The following CALN1 variants were observed in gnomAD, a reference collection of about 807,000 sequenced individuals.
The protein encoded by CALN1 is calneuron 1.
In CALN1, 17 loss-of-function variants were observed where a neutral mutation model predicts 30.6. The observed-to-expected ratio is 0.56, with a 90% confidence interval of 0.38 to 0.83. The LOEUF (loss-of-function observed/expected upper bound fraction) is 0.83, where lower values mean the gene tolerates loss of function less well. CALN1 is among the 40% of genes least tolerant of loss of function. CALN1 has a pLI of 0.00. For synonymous variants in CALN1, 156 were observed against 131.4 expected (o/e 1.19, Z -1.28); for missense variants, 291 against 354.9 (o/e 0.82, Z 1.45).
At chr7:71,862,540 A>G (rs1208407758) in intron 5 of CALN1, among the ~76,000 whole-genome samples, 4 of 152,182 alleles carry the variant, frequency 2.6e-5, no homozygotes, top group African/African-American at 9.7e-5. Flanking sequence ...CTCCCCAGCC[A>G]TGTGGAACTG....
At chr7:72,216,455 A>G (rs1235211934) in intron 3 of CALN1, among the ~76,000 whole-genome samples, 1 of 152,036 alleles carries the variant, frequency 6.6e-6, no homozygotes, top group Non-Finnish European at 1.5e-5. Flanking sequence ...TATATCTTTC[A>G]TAGGTCTGGG....
At chr7:72,198,203 A>T (rs1182724677) in intron 3 of CALN1, among the ~76,000 whole-genome samples, 2 of 152,242 alleles carry the variant, frequency 1.3e-5, no homozygotes, top group Non-Finnish European at 2.9e-5. Flanking sequence ...AGTAATTCAA[A>T]AGGCCAGAAA....
chr7:72,437,146 T>C (rs765712104), intron 1 of CALN1, among the ~76,000 whole-genome samples: 1 of 151,930 alleles, frequency 6.6e-6, no homozygotes, highest in Non-Finnish European at 1.5e-5. Flanking sequence ...TTTTAGAGAT[T>C]AGGAGGGAGA....
intron 5 of CALN1, among the ~76,000 whole-genome samples, chr7:71,958,065 CAAAAAAAAAAA>C (rs56355838): frequency 4.3e-5 from 4 of 93,874 alleles, no homozygotes; most frequent in African/African-American, 1.7e-4. Context: ...AACTCCATCT[CAAAAAAAAAAA>C]AAAAAAAGAA....
intron 2 of CALN1, among the ~76,000 whole-genome samples, chr7:72,326,044 C>A (rs761348273): frequency 1.3e-5 from 2 of 152,086 alleles, no homozygotes; most frequent in Admixed American, 6.6e-5. Flanking sequence ...CCAGGATTAC[C>A]GGTGCCCGCC....
chr7:72,380,204 G>A (rs1025609554), intron 2 of CALN1, among the ~76,000 whole-genome samples: 2 of 152,150 alleles, frequency 1.3e-5, no homozygotes, highest in Non-Finnish European at 2.9e-5. Context: ...CTGGATACCA[G>A]TCAAGCCCCA....
rs1330541253 is a variant in CALN1 at position 71,838,574 on chromosome 7, G to A, written c.502-28082C>T. ...CCTGAGTAGCTGGGGCTACAGGCAT[G>A]TACCACCACACCTGTGGTATGGTTT... On this transcript the variant is annotated intron_variant, in intron 5 of 6. Transcript: ENST00000395275. Among the ~76,000 whole-genome samples the A allele has an allele frequency of 2.0e-5, 3 of 152,276 alleles. No homozygotes were observed. The East Asian group carries it at 5.8e-4, about 30-fold the overall frequency.
At chr7:72,279,940 A>G (rs1797623324) in intron 2 of CALN1, among the ~76,000 whole-genome samples, 1 of 152,176 alleles carries the variant, frequency 6.6e-6, no homozygotes, top group Non-Finnish European at 1.5e-5. Context: ...TTTGTATCGG[A>G]GCTTCTGGAA....
chr7:71,846,951 A>C (rs13228330), intron 5 of CALN1, among the ~76,000 whole-genome samples: 3 of 145,560 alleles, frequency 2.1e-5, no homozygotes, highest in Non-Finnish European at 3.0e-5. Flanking sequence ...GTATATATAC[A>C]TATATAATAT....
At chr7:72,236,256 G>A (rs998686382) in intron 3 of CALN1, among the ~76,000 whole-genome samples, 1 of 152,034 alleles carries the variant, frequency 6.6e-6, no homozygotes, top group African/African-American at 2.4e-5. Context: ...ATTAAGGTTG[G>A]GTATTATCAT....
intron 5 of CALN1, among the ~76,000 whole-genome samples, chr7:71,825,400 G>T (rs73360095): frequency 3.3e-5 from 5 of 152,264 alleles, no homozygotes; most frequent in Admixed American, 3.3e-4. Context: ...CCTTTTGCTT[G>T]TCTCTCATTC....
chr7:72,297,840 G>A (rs531531836), intron 2 of CALN1, among the ~76,000 whole-genome samples: 1 of 152,234 alleles, frequency 6.6e-6, no homozygotes, highest in African/African-American at 2.4e-5. Context: ...CTTCCCTAAC[G>A]TCAACAGATG....
intron 2 of CALN1, among the ~76,000 whole-genome samples, chr7:72,305,036 C>A (rs1465205085): frequency 6.6e-6 from 1 of 152,220 alleles, no homozygotes; most frequent in Non-Finnish European, 1.5e-5. Flanking sequence ...CAGTGACCTG[C>A]AGCCTCGCAT....
At chr7:71,938,592 CGA>C (rs1795966070) in intron 5 of CALN1, among the ~76,000 whole-genome samples, 1 of 151,834 alleles carries the variant, frequency 6.6e-6, no homozygotes, top group Non-Finnish European at 1.5e-5. Context: ...GTCAGGAGTT[CGA>C]GACCAGCCTG....
intron 2 of CALN1, among the ~76,000 whole-genome samples, chr7:72,308,534 C>T (rs1354344909): frequency 1.3e-5 from 2 of 152,088 alleles, no homozygotes; most frequent in Non-Finnish European, 2.9e-5. Flanking sequence ...TTGCTGAATG[C>T]ACGAATGAAT....
chr7:72,022,868 T>C (rs1005555074), intron 5 of CALN1, among the ~76,000 whole-genome samples: 2 of 150,682 alleles, frequency 1.3e-5, no homozygotes, highest in Non-Finnish European at 2.9e-5. Context: ...CTTATCTAGG[T>C]TAGAGAAATC....
intron 2 of CALN1, among the ~76,000 whole-genome samples, chr7:72,358,558 C>T (rs367927244): frequency 1.7e-4 from 26 of 152,284 alleles, no homozygotes; most frequent in African/African-American, 6.0e-4. Context: ...GCACTGTGAT[C>T]CCCGTCAACC....
the CALN1 span, among the ~76,000 whole-genome samples, chr7:72,459,963 C>G: frequency 6.6e-6 from 1 of 152,204 alleles, no homozygotes; most frequent in East Asian, 1.9e-4. Context: ...GTTCATGGTT[C>G]TGCAGGCTGT....
intron 4 of CALN1, among the ~76,000 whole-genome samples, chr7:72,054,017 A>T (rs775579744): frequency 6.6e-6 from 1 of 152,184 alleles, no homozygotes; most frequent in Middle Eastern, 3.4e-3. Context: ...ATAGATATAT[A>T]CCACAATTTC....
Sources: allele counts gnomAD v4.1 joint callset (sites outside exome capture counted in the v4.1 genomes callset), GRCh38; gene constraint gnomAD v4.1.1; transcripts MANE v1.5; gene names NCBI Gene and HGNC (gene_info 2026-07-23, HGNC 2026-07-21).